Variants in MAEA observed in about 807,000 individuals in gnomAD.
MAEA encodes the protein macrophage erythroblast attacher, E3 ubiquitin ligase, also known as E3 ubiquitin-protein transferase MAEA.
A neutral mutation model predicts 46.2 loss-of-function variants in MAEA; 22 were observed. The ratio of observed to expected loss-of-function variants is 0.48; its 90% CI spans 0.34 to 0.68. The LOEUF (loss-of-function observed/expected upper bound fraction) is 0.68, where lower values mean the gene tolerates loss of function less well. Among genes scored for constraint, MAEA ranks in the 30% least tolerant of loss-of-function variants. The pLI is 0.01. For synonymous variants in MAEA, 246 were observed against 222.6 expected, an observed-to-expected ratio of 1.11 and a Z score of -0.94; for missense variants, 393 against 558.1, an observed-to-expected ratio of 0.70 and a Z score of 2.98.
chr4:1,324,906 G>A (rs983125127), intron 4 of MAEA, among the ~76,000 whole-genome samples: 15 of 151,606 alleles, frequency 9.9e-5, no homozygotes, highest in African/African-American at 3.4e-4. Flanking sequence ...TTGGATGAGC[G>A]TGCCTGGTGT....
rs1448179340 is a variant in MAEA, at chr4:1,338,513, G to T, written c.991G>T (p.Ala331Ser). ...CAAGCTGGCGCAGCCCCTGCCCATGGCCCACTGTGCCAACTCCCGCCTGGT... is the reference window on the plus strand; with the variant it reads ...CAAGCTGGCGCAGCCCCTGCCCATGTCCCACTGTGCCAACTCCCGCCTGGT... ...LNKLAQPLPM[A>S]HCANSRLVCK... The change falls in exon 8 of 9, where the codon GCC becomes TCC. Residue 331 changes from alanine (A) to serine (S), a missense_variant. This residue lies in a region of MAEA where 358 missense variants were observed against 537.9 expected (regional missense o/e 0.67). Coordinates refer to ENST00000303400, the MANE Select transcript of MAEA (RefSeq NM_001017405.3). The T allele has an allele frequency of 6.2e-7, 1 of 1,613,210 alleles. No individual in the cohort carries two copies. The highest frequency in any genetic ancestry group is 8.5e-7 in the Non-Finnish European group (1 of 1,180,012).
intron 4 of MAEA, among the ~76,000 whole-genome samples, chr4:1,327,185 C>T (rs760044705): frequency 9.2e-5 from 14 of 152,254 alleles, no homozygotes; most frequent in Admixed American, 8.5e-4. Context: ...AGTCTACATT[C>T]GGGATAGTTG....
chr4:1,297,765 C>G (rs541239299), intron 1 of MAEA, among the ~76,000 whole-genome samples: 1 of 152,198 alleles, frequency 6.6e-6, no homozygotes, highest in Admixed American at 6.5e-5. Flanking sequence ...ATTTCTCCCC[C>G]GTCTGTCTGG....
chr4:1,290,145 G>T (rs1315810814), intron 1 of MAEA, among the ~76,000 whole-genome samples, 163 bp downstream of exon 1: 3 of 151,690 alleles, frequency 2.0e-5, no homozygotes, highest in Non-Finnish European at 4.4e-5. Flanking sequence ...GGTCCGCGCC[G>T]GGCAGGTGTG....
At chr4:1,319,557 G>A (rs77095235) in intron 3 of MAEA, among the ~76,000 whole-genome samples, 5,198 of 151,984 alleles carry the variant, frequency 0.034, 202 homozygotes, top group East Asian at 0.19. Context: ...CTGTGTTGAC[G>A]GGACATGAGG....
At chr4:1,328,971 G>C in intron 5 of MAEA, 15 of 993,238 alleles carry the variant, frequency 1.5e-5, no homozygotes, top group Non-Finnish European at 1.8e-5. Flanking sequence ...CCTGTCAAGA[G>C]GAGGGGCTCC....
Position 1,309,869 on chromosome 4 carries a change from C to T in MAEA, c.70-2110C>T, listed in dbSNP as rs943902090. The T allele has an allele frequency of 2.8e-5, 37 of 1,305,486 alleles. No homozygotes were observed. The East Asian group carries it at 4.0e-4, about 14-fold the overall frequency. The allele number at this position is 1,305,486 out of a possible 1,614,324, so 80.9% of individuals were successfully genotyped here. On this transcript the variant is annotated intron_variant, in intron 1 of 8. Transcript: ENST00000303400. The stretch of plus-strand genomic sequence containing the variant: ...CTGTGCCTGAGCAGCGTCAGCACCG[C>T]GGTGAGGCGGACGGCCCGGCAGGGG...
intron 3 of MAEA, among the ~76,000 whole-genome samples, chr4:1,321,246 CAGAAA>C (rs201980789): frequency 0.021 from 3,139 of 151,626 alleles, 45 homozygotes; most frequent in Non-Finnish European, 0.032. Flanking sequence ...GAAGGGGCTT[CAGAAA>C]AGAAATCATC....
At chr4:1,333,084 C>G (rs1712058579) in intron 6 of MAEA, among the ~76,000 whole-genome samples, 1 of 152,064 alleles carries the variant, frequency 6.6e-6, no homozygotes, top group Non-Finnish European at 1.5e-5. Flanking sequence ...CCCTGGAATC[C>G]CAGCACTTTG....
At chr4:1,333,586 C>A (rs1712142697) in intron 6 of MAEA, among the ~76,000 whole-genome samples, 1 of 152,154 alleles carries the variant, frequency 6.6e-6, no homozygotes, top group South Asian at 2.1e-4. Flanking sequence ...CCATCACTAA[C>A]CAGGCACCCT....
chr4:1,338,253 T>G (rs989158067), intron 7 of MAEA, 169 bp from the exon 8 acceptor site: 1 of 552,778 alleles, frequency 1.8e-6, no homozygotes, highest in Non-Finnish European at 3.2e-6. Context: ...TGGGGCTGTT[T>G]AGCTGTCGAG....
At position 1,311,081 on chromosome 4, in the gene MAEA, C is replaced by T. The variant is rs914700981; in HGVS notation, c.70-898C>T. Among the ~76,000 whole-genome samples the T allele has an allele frequency of 6.6e-6, 1 of 152,148 alleles. No individual in the cohort carries two copies. Among genetic ancestry groups the T allele is most frequent in the Non-Finnish European group, 1.5e-5 (1 of 68,036 alleles). On this transcript the variant is annotated intron_variant, in intron 1 of 8. Transcript: ENST00000303400. This position sits in a 1 kb window ranked among gnomAD's most constrained non-coding sequence, Gnocchi z 4.4. The stretch of plus-strand genomic sequence containing the variant: ...GAGAGTCTGTCCTCCCATGGTTGGG[C>T]ACGGCTGGAGAGGAGGCGAGGTGGA...
At chr4:1,307,493 C>T (rs994121642) in intron 1 of MAEA, among the ~76,000 whole-genome samples, 11 of 152,222 alleles carry the variant, frequency 7.2e-5, no homozygotes, top group Admixed American at 2.6e-4. Context: ...AGAGGATTGC[C>T]TTCTTTTAAA....
intron 6 of MAEA, among the ~76,000 whole-genome samples, chr4:1,333,136 G>A (rs930426474): frequency 6.6e-6 from 1 of 152,108 alleles, no homozygotes; most frequent in Admixed American, 6.5e-5. Context: ...AGGGGTTTGA[G>A]AACAGCCTGG....
rs537725212 is a variant in MAEA, at chr4:1,338,135, G to A, written c.900-287G>A. The stretch of plus-strand genomic sequence containing the variant: ...CTCTTGTCCTGCCTGGAGAGGTTGC[G>A]TGGCCGGGGAGAGGGCGGCGGGCGA... On this transcript the variant is annotated intron_variant, in intron 7 of 8. Transcript: ENST00000303400. 3.0e-5 allele frequency: 12 copies of A among 397,908 alleles called. No individual in the cohort carries two copies. In the East Asian group the frequency reaches 3.8e-4, roughly 13 times the overall value. The allele number at this position is 397,908 out of a possible 1,614,324, so 24.6% of individuals were successfully genotyped here.
rs1413420891 is a variant in MAEA, at chr4:1,311,025, G to A, written c.70-954G>A. Reference sequence around the variant, plus strand: ...ACAGTGGCTGACACGAGGTCGAGGCGTGCCCAGGGCCGGGGGAGCAGGCGG... The same window carrying A: ...ACAGTGGCTGACACGAGGTCGAGGCATGCCCAGGGCCGGGGGAGCAGGCGG... On this transcript the variant is annotated intron_variant, in intron 1 of 8. Coordinates refer to ENST00000303400, the MANE Select transcript of MAEA (RefSeq NM_001017405.3). This position sits in a 1 kb window ranked among gnomAD's most constrained non-coding sequence, Gnocchi z 4.4. Among the ~76,000 whole-genome samples the A allele has an allele frequency of 4.6e-5, 7 of 151,732 alleles. No individual in the cohort carries two copies. Among genetic ancestry groups the A allele is most frequent in the South Asian group, 2.1e-4 (1 of 4,822 alleles).
Position 1,332,815 on chromosome 4 carries a change from G to C in MAEA, c.715G>C (p.Ala239Pro), listed in dbSNP as rs1036521024. ...EGSQLDEVRQ[A>P]MGMLAFPPDT... ...GAGCCAGCTGGACGAGGTGCGCCAG[G>C]CCATGGGCATGCTGGCCTTCCCGCC... The change falls in exon 6 of 9, where the codon GCC (alanine) becomes CCC (proline). Residue 239 changes from alanine to proline, a missense_variant. By Grantham distance (27) the Ala-to-Pro change is conservative (BLOSUM62 -1). Around this residue, in one of 2 missense-constraint regions of MAEA, gnomAD observed 358 missense variants for 537.9 expected, o/e 0.67. Transcript: ENST00000303400. 1 of 1,613,318 alleles carries C rather than the reference G, an allele frequency of 6.2e-7. No individual in the cohort carries two copies. The highest frequency in any genetic ancestry group is 8.5e-7 in the Non-Finnish European group (1 of 1,179,820).
chr4:1,330,263 A>AC (rs1483213024), intron 5 of MAEA: 1 of 389,960 alleles, frequency 2.6e-6, no homozygotes, highest in Admixed American at 7.5e-5. Context: ...GCACACCCAC[A>AC]CCTCAGCCTG....
At chr4:1,302,053 C>A (rs568665861) in intron 1 of MAEA, among the ~76,000 whole-genome samples, 1 of 152,176 alleles carries the variant, frequency 6.6e-6, no homozygotes. Context: ...ACAAGAAAAC[C>A]ATAGACCATT....
Sources: gnomAD v4.1 joint callset for allele counts (sites outside exome capture counted in the v4.1 genomes callset) on GRCh38, gnomAD v4.1.1 for gene constraint, gnomAD v4.1.1 regional missense constraint, Gnocchi (gnomAD v3.1) non-coding constraint, MANE v1.5 for transcripts, NCBI Gene and HGNC (gene_info 2026-07-23, HGNC 2026-07-21) for gene names.